The following SNX32 variants were observed in gnomAD, a reference collection of about 807,000 sequenced individuals.
SNX32 encodes the protein sorting nexin 32, also known as sorting nexin-32.
Under a neutral mutation model 57.0 loss-of-function variants are expected in SNX32, and 58 were observed. That is an observed-to-expected ratio of 1.02 (90% CI 0.82 to 1.27). SNX32 has a LOEUF of 1.27. Among genes scored for constraint, SNX32 ranks in the 50% most tolerant of loss-of-function variants. SNX32 has a pLI of 0.00. For synonymous variants in SNX32, 262 were observed against 220.4 expected (o/e 1.19, Z -1.67); for missense variants, 589 against 541.2 (o/e 1.09, Z -0.88).
rs370489273 is a variant in SNX32 at position 65,852,699 on chromosome 11, C to T, written c.982C>T (p.Arg328Cys). 16 of 1,597,442 alleles carry T rather than the reference C, an allele frequency of 1.0e-5. No homozygotes were observed. Among genetic ancestry groups the T allele is most frequent in the South Asian group, 4.4e-5 (4 of 90,136 alleles). ...ENANKALDKA[R>C]TRNREVRPAE... ...TGCCAACAAGGCGCTGGACAAGGCG[C>T]GCACCAGGAACCGGGAGGTGCGGCC... is the stretch of plus-strand genomic sequence containing the variant. The change falls in exon 11 of 13, where the codon CGC becomes TGC. Residue 328 changes from arginine (R) to cysteine (C), a missense_variant. Arg to Cys is a radical substitution (Grantham distance 180). Coordinates refer to ENST00000308342, the MANE Select transcript of SNX32 (RefSeq NM_152760.3).
Position 65,852,508 on chromosome 11 carries a change from C to CA in SNX32, c.870dup (p.Asp291ArgfsTer9), listed in dbSNP as rs1859232887. 6.2e-7 allele frequency: 1 copy of CA among 1,614,210 alleles called. No individual in the cohort carries two copies. ...GCTTCCGATGAGGACCTGAAGCTGT[C>CA]AGACATGCTGAGGTACTACATGCGT... is the stretch of plus-strand genomic sequence containing the variant. On this transcript the variant is annotated frameshift_variant, in exon 10 of 13. Coordinates refer to ENST00000308342, the MANE Select transcript of SNX32 (RefSeq NM_152760.3). LOFTEE classifies it high-confidence loss of function.
At chr11:65,853,090 G>T in intron 12 of SNX32, 132 bp downstream of exon 12, 1 of 1,279,382 alleles carries the variant, frequency 7.8e-7, no homozygotes, top group Non-Finnish European at 1.1e-6. Flanking sequence ...CATGAGAGGA[G>T]CCCCAGCTAA....
At chr11:65,834,813 C>A (rs1465873138) in intron 1 of SNX32, among the ~76,000 whole-genome samples, 2 of 124,728 alleles carry the variant, frequency 1.6e-5, no homozygotes, top group Non-Finnish European at 3.5e-5. Context: ...GTATGGTCTG[C>A]GTGTGTCTGT....
intron 1 of SNX32, among the ~76,000 whole-genome samples, chr11:65,843,200 G>T (rs566186205): frequency 5.2e-5 from 7 of 134,154 alleles, no homozygotes; most frequent in Admixed American, 4.8e-4. Context: ...CAGCCTGGGC[G>T]ACAGAGCAAG....
chr11:65,852,354 G>C (rs1404398108), intron 9 of SNX32, 111 bp from the exon 10 acceptor site: 5 of 961,890 alleles, frequency 5.2e-6, no homozygotes, highest in Non-Finnish European at 6.7e-6. Flanking sequence ...GACCTGACCT[G>C]GAACAGTTAC....
intron 7 of SNX32, 77 bp downstream of exon 7, chr11:65,851,237 G>A: frequency 1.9e-6 from 3 of 1,599,324 alleles, no homozygotes; most frequent in South Asian, 1.1e-5. Flanking sequence ...AGAGAAGAGA[G>A]CAGGGCGTGC....
chr11:65,835,019 GTGTT>G (rs780479218), intron 1 of SNX32, among the ~76,000 whole-genome samples: 2 of 150,220 alleles, frequency 1.3e-5, no homozygotes, highest in African/African-American at 2.5e-5. Flanking sequence ...CTGTGCCTGT[GTGTT>G]TGTGTGTGTC....
chr11:65,843,614 A>G (rs1255753747), intron 1 of SNX32, among the ~76,000 whole-genome samples: 1 of 152,238 alleles, frequency 6.6e-6, no homozygotes, highest in Non-Finnish European at 1.5e-5. Context: ...ATACAACTGC[A>G]AGAGCTTAAA....
At chr11:65,843,635 T>G (rs1591029799) in intron 1 of SNX32, among the ~76,000 whole-genome samples, 1 of 152,140 alleles carries the variant, frequency 6.6e-6, no homozygotes, top group Non-Finnish European at 1.5e-5. Context: ...CTGTAACACC[T>G]CTAGAAAAAT....
At chr11:65,851,252 T>C in intron 7 of SNX32, 76 bp from the exon 8 acceptor site, 1 of 1,599,616 alleles carries the variant, frequency 6.3e-7, no homozygotes, top group Non-Finnish European at 8.6e-7. Context: ...GCGTGCCTTG[T>C]TGTTTGTCTG....
At chr11:65,845,472 C>T (rs1858967610) in intron 1 of SNX32, among the ~76,000 whole-genome samples, 1 of 151,864 alleles carries the variant, frequency 6.6e-6, no homozygotes, top group East Asian at 1.9e-4. Context: ...TGCAGTGGCT[C>T]ACGCCTGTAA....
In SNX32 at chr11:65,851,461, T is replaced by C. The variant is rs1037786496; in HGVS notation, c.785+58T>C. 5 of 1,587,536 alleles carry C rather than the reference T, an allele frequency of 3.1e-6. No individual in the cohort carries two copies. The Admixed American group carries it at 5.1e-5, about 16-fold the overall frequency. The stretch of plus-strand genomic sequence containing the variant: ...GTGCCTGTAATACCATGTCTTCCCA[T>C]GAGGGGTCACTCTGTAGATGTCTAC... On this transcript the variant is annotated intron_variant, in intron 8 of 12. Coordinates refer to ENST00000308342, the MANE Select transcript of SNX32 (RefSeq NM_152760.3).
intron 1 of SNX32, among the ~76,000 whole-genome samples, chr11:65,840,632 A>G (rs769744876): frequency 5.3e-5 from 8 of 151,944 alleles, no homozygotes; most frequent in Non-Finnish European, 8.8e-5. Context: ...GTGAGAACCT[A>G]TCTCTACAAA....
intron 1 of SNX32, among the ~76,000 whole-genome samples, chr11:65,848,164 G>A (rs1480509362): frequency 6.6e-6 from 1 of 152,168 alleles, no homozygotes; most frequent in African/African-American, 2.4e-5. Context: ...AGGAGAGAGT[G>A]AGGAGGCCTC....
intron 1 of SNX32, among the ~76,000 whole-genome samples, chr11:65,846,726 G>A (rs138190820): frequency 1.0e-3 from 155 of 152,188 alleles, no homozygotes; most frequent in African/African-American, 3.6e-3. Context: ...GCTCACGCCT[G>A]TAATCCCAGC....
chr11:65,851,464 G>C, intron 8 of SNX32, 61 bp downstream of exon 8: 1 of 1,584,776 alleles, frequency 6.3e-7, no homozygotes, highest in Non-Finnish European at 8.7e-7. Flanking sequence ...CTTCCCATGA[G>C]GGGTCACTCT....
At chr11:65,839,470 C>G (rs1161296363) in intron 1 of SNX32, among the ~76,000 whole-genome samples, 1 of 146,834 alleles carries the variant, frequency 6.8e-6, no homozygotes, top group African/African-American at 2.6e-5. Context: ...ACCTCGTGAT[C>G]CGCCCGCCTC....
At chr11:65,853,141 C>T (rs1859276870) in intron 12 of SNX32, 141 bp from the exon 13 acceptor site, 1 of 1,363,056 alleles carries the variant, frequency 7.3e-7, no homozygotes, top group South Asian at 1.2e-5. Context: ...CCCGTGCCTT[C>T]TGGGTAGGAA....
At chr11:65,846,163 T>TG (rs1018261665) in intron 1 of SNX32, among the ~76,000 whole-genome samples, 54 of 151,452 alleles carry the variant, frequency 3.6e-4, no homozygotes, top group African/African-American at 1.3e-3. Flanking sequence ...CCCAGCTACT[T>TG]GGGAGGCTGA....
Sources: gnomAD v4.1 joint callset for allele counts (sites outside exome capture counted in the v4.1 genomes callset) on GRCh38, gnomAD v4.1.1 for gene constraint, MANE v1.5 for transcripts, NCBI Gene and HGNC (gene_info 2026-07-23, HGNC 2026-07-21) for gene names.